DTWD2: variants seen among roughly 807,000 people sequenced by gnomAD.
DTWD2 encodes tRNA-uridine aminocarboxypropyltransferase 2.
DTWD2 carries 39 observed loss-of-function variants against 31.8 expected under a neutral mutation model. The observed-to-expected ratio is 1.22, with a 90% CI of 0.95 to 1.60. DTWD2 has a LOEUF of 1.60. DTWD2 is among the 40% of genes most tolerant of loss of function. The probability of loss-of-function intolerance (pLI) is 0.00; values close to 1 mark genes in which losing one functional copy is unlikely to be tolerated. For synonymous variants in DTWD2, 180 were observed against 142.8 expected (o/e 1.26, Z -1.86); for missense variants, 515 against 381.5 (o/e 1.35, Z -2.92).
rs919911939 is a variant in DTWD2 at position 118,838,908 on chromosome 5, G to C, written c.*2009C>G. 6.6e-6 allele frequency: 1 copy of C among 152,018 alleles called. No homozygotes were observed. The highest frequency in any genetic ancestry group is 2.4e-5 in the African/African-American group (1 of 41,398). 9.4% of individuals were successfully genotyped at this position (152,018 alleles called of 1,614,324 possible). ...AAAATAATAATGATGGCTGGGCACG[G>C]TCCCAGCACTTTTGGAGGCCAAGGC... On this transcript the variant is annotated 3_prime_UTR_variant, in exon 6 of 6. Coordinates refer to ENST00000510708, the MANE Select transcript of DTWD2 (RefSeq NM_173666.4).
intron 1 of DTWD2, chr5:118,973,761 T>C (rs1389516463): frequency 2.5e-6 from 4 of 1,609,818 alleles, no homozygotes; most frequent in Non-Finnish European, 2.5e-6. Flanking sequence ...GCTTTCTTTT[T>C]AATCGCCTGC....
At chr5:118,940,898 G>C (rs146837877) in intron 2 of DTWD2, among the ~76,000 whole-genome samples, 1 of 152,064 alleles carries the variant, frequency 6.6e-6, no homozygotes, top group Non-Finnish European at 1.5e-5. Flanking sequence ...GCATCTTCAC[G>C]ACTAAATACA....
intron 1 of DTWD2, among the ~76,000 whole-genome samples, chr5:118,950,394 C>T (rs1015205658): frequency 2.0e-5 from 3 of 151,974 alleles, no homozygotes; most frequent in Admixed American, 6.6e-5. Context: ...AAGGGGACGG[C>T]CTTACCCTCC....
chr5:118,936,031 TCA>T (rs1272844393), intron 3 of DTWD2, among the ~76,000 whole-genome samples: 1 of 152,098 alleles, frequency 6.6e-6, no homozygotes, highest in African/African-American at 2.4e-5. Context: ...AAACCTAAAA[TCA>T]CAGAGTATAA....
Position 118,977,465 on chromosome 5 carries a change from A to C in DTWD2, c.218+10829T>G, listed in dbSNP as rs183777591. Among the ~76,000 whole-genome samples the C allele has an allele frequency of 2.0e-3, 301 of 152,344 alleles. 2 individuals are homozygous for C. The highest frequency in any genetic ancestry group is 7.1e-3 in the African/African-American group (295 of 41,582). ...ACTGTCTCAGCCCAAAATCTCCTTA[A>C]GCTGATCAGCAACTTCAGCAAAGTC... is the stretch of plus-strand genomic sequence containing the variant. On this transcript the variant is annotated intron_variant, in intron 1 of 5. Transcript: ENST00000510708.
chr5:118,877,410 TGCAGTGAG>T (rs900581476), intron 4 of DTWD2, among the ~76,000 whole-genome samples: 1 of 151,810 alleles, frequency 6.6e-6, no homozygotes, highest in African/African-American at 2.4e-5. Context: ...AGATGGAGCT[TGCAGTGAG>T]CGGAGATCAC....
chr5:118,840,004 G>A lies in DTWD2; in HGVS notation c.*913C>T, dbSNP rs1200963881. ...CTGCCAAAATGTGTACATAATTGCA[G>A]TAGACTTGTGCTGAATATACATATA... is the stretch of plus-strand genomic sequence containing the variant. On this transcript the variant is annotated 3_prime_UTR_variant, in exon 6 of 6. Coordinates refer to ENST00000510708, the MANE Select transcript of DTWD2 (RefSeq NM_173666.4). 6.6e-6 allele frequency: 1 copy of A among 152,088 alleles called. No individual in the cohort carries two copies. Among genetic ancestry groups the A allele is most frequent in the Non-Finnish European group, 1.5e-5 (1 of 68,024 alleles). 9.4% of individuals were successfully genotyped at this position (152,088 alleles called of 1,614,324 possible). A position where few individuals can be genotyped will look rare whatever the true frequency, so the allele number is the denominator to read the frequency against.
intron 1 of DTWD2, among the ~76,000 whole-genome samples, chr5:118,985,538 A>G (rs1755409202): frequency 6.8e-6 from 1 of 147,578 alleles, no homozygotes; most frequent in Non-Finnish European, 1.5e-5. Context: ...ATATACATAC[A>G]TATACACACG....
intron 4 of DTWD2, among the ~76,000 whole-genome samples, chr5:118,923,950 TA>T (rs990621039): frequency 2.0e-5 from 3 of 152,052 alleles, no homozygotes; most frequent in Non-Finnish European, 2.9e-5. Flanking sequence ...TAAAAAATTC[TA>T]AAAAAAATTC....
chr5:118,837,115 G>C lies in DTWD2; in HGVS notation c.*3802C>G, dbSNP rs768902717. Among the ~76,000 whole-genome samples, 18 of 152,108 alleles carry C rather than the reference G, an allele frequency of 1.2e-4. No homozygotes were observed. The highest frequency in any genetic ancestry group is 2.1e-4 in the Non-Finnish European group (14 of 68,006). ...ACAGCTAGTACATACAATAAGAATA[G>C]TATAAAAGGGAAGGGGAACAATGTA... On this transcript the variant is annotated 3_prime_UTR_variant, in exon 6 of 6. Coordinates refer to ENST00000510708, the MANE Select transcript of DTWD2 (RefSeq NM_173666.4).
At chr5:118,983,527 CTCTT>C (rs760780098) in intron 1 of DTWD2, among the ~76,000 whole-genome samples, 4 of 151,566 alleles carry the variant, frequency 2.6e-5, no homozygotes, top group South Asian at 2.1e-4. Context: ...CTCTCTCTCT[CTCTT>C]ATGATGTTCC....
At chr5:118,851,038 G>A (rs1348373564) in intron 4 of DTWD2, among the ~76,000 whole-genome samples, 1 of 151,864 alleles carries the variant, frequency 6.6e-6, no homozygotes, top group Non-Finnish European at 1.5e-5. Context: ...CATGAGGTTG[G>A]GAGTTCAAGA....
chr5:118,957,631 T>C (rs959385753), intron 1 of DTWD2, among the ~76,000 whole-genome samples: 25 of 152,272 alleles, frequency 1.6e-4, no homozygotes, highest in Admixed American at 1.4e-3. Flanking sequence ...TTTTTGCGAA[T>C]TGGGCAGCCT....
chr5:118,912,068 T>C (rs918841642), intron 4 of DTWD2, among the ~76,000 whole-genome samples: 4 of 152,194 alleles, frequency 2.6e-5, no homozygotes, highest in Non-Finnish European at 5.9e-5. Flanking sequence ...CTATAATTCA[T>C]CCATCAGAGG....
intron 4 of DTWD2, among the ~76,000 whole-genome samples, chr5:118,860,035 T>G (rs570963128): frequency 7.9e-5 from 12 of 152,042 alleles, no homozygotes; most frequent in African/African-American, 2.9e-4. Context: ...GGAGGATAGC[T>G]TGAGCCCAGG....
intron 4 of DTWD2, among the ~76,000 whole-genome samples, chr5:118,879,123 G>A (rs1752683719): frequency 6.6e-6 from 1 of 152,022 alleles, no homozygotes; most frequent in Admixed American, 6.6e-5. Flanking sequence ...TTGACCCAGA[G>A]GTCCCATTAC....
At chr5:118,944,707 A>G (rs1184742156) in intron 1 of DTWD2, 58 bp from the exon 2 acceptor site, 24 of 1,532,030 alleles carry the variant, frequency 1.6e-5, no homozygotes, top group Non-Finnish European at 2.1e-5. Flanking sequence ...TGATATAACA[A>G]TTTTTTAAAT....
At chr5:118,925,427 A>C (rs1753788867) in intron 4 of DTWD2, among the ~76,000 whole-genome samples, 1 of 152,260 alleles carries the variant, frequency 6.6e-6, no homozygotes, top group African/African-American at 2.4e-5. Flanking sequence ...AAACTTATTC[A>C]AAATAGCGTG....
At chr5:118,869,834 C>G (rs796108954) in intron 4 of DTWD2, among the ~76,000 whole-genome samples, 1 of 152,156 alleles carries the variant, frequency 6.6e-6, no homozygotes, top group Non-Finnish European at 1.5e-5. Context: ...AAATCTCATG[C>G]TGAAATGTCT....
Sources: allele counts gnomAD v4.1 joint callset (sites outside exome capture counted in the v4.1 genomes callset), GRCh38; gene constraint gnomAD v4.1.1; transcripts MANE v1.5; gene names NCBI Gene and HGNC (gene_info 2026-07-23, HGNC 2026-07-21).